The following PLEKHA1 variants were observed in gnomAD, a reference collection of about 807,000 sequenced individuals.
PLEKHA1 encodes the protein pleckstrin homology domain containing A1, also known as pleckstrin homology domain-containing family A member 1.
PLEKHA1 carries 34 observed loss-of-function variants against 52.0 expected under a neutral mutation model. That is an observed-to-expected ratio of 0.65 (90% confidence interval 0.50 to 0.87). The LOEUF is 0.87. Ranked by LOEUF, PLEKHA1 falls within the 40% of genes least tolerant of loss-of-function variation. The pLI is 0.00. For synonymous variants in PLEKHA1, 163 were observed against 170.7 expected, an observed-to-expected ratio of 0.95 and a Z score of 0.35; for missense variants, 497 against 504.2, an observed-to-expected ratio of 0.99 and a Z score of 0.14.
At chr10:122,419,517 C>G (rs11200622) in intron 8 of PLEKHA1, 1 of 152,006 alleles carries the variant, frequency 6.6e-6, no homozygotes, top group African/African-American at 2.4e-5. Flanking sequence ...GCCAATACTC[C>G]CGGGAAGAGT....
chr10:122,424,943 G>A lies in PLEKHA1; in HGVS notation c.794G>A (p.Arg265Gln), dbSNP rs373796370. 8 of 1,608,022 alleles carry A rather than the reference G, an allele frequency of 5.0e-6. No homozygotes were observed. The highest frequency in any genetic ancestry group is 4.4e-5 in the South Asian group (4 of 90,008). ...CTCTTTGAAATTGTAACAACGTCTC[G>A]AACTTTCTATGTGCAGGTAAGATGC... The part of the protein sequence containing the change: ...DNLFEIVTTS[R>Q]TFYVQADSPE... The change falls in exon 10 of 12, where the codon CGA (arginine) becomes CAA (glutamine). Residue 265 changes from arginine to glutamine, a missense_variant. Arg to Gln is a conservative substitution (Grantham distance 43, BLOSUM62 1). Transcript: ENST00000368990.
intron 9 of PLEKHA1, 119 bp downstream of exon 9, chr10:122,424,382 C>G (rs1203912365): frequency 1.3e-5 from 15 of 1,159,172 alleles, no homozygotes; most frequent in Non-Finnish European, 1.5e-5. Flanking sequence ...ATTTTTAACT[C>G]TTTATAGTTG....
At chr10:122,427,098 C>T in intron 11 of PLEKHA1, 67 bp downstream of exon 11, 1 of 1,383,516 alleles carries the variant, frequency 7.2e-7, no homozygotes, top group Non-Finnish European at 1.0e-6. Context: ...TTTCCTCTCT[C>T]CCAATCCATC....
At chr10:122,424,065 ATTTATT>A in intron 8 of PLEKHA1, 128 bp from the exon 9 acceptor site, 1 of 1,196,284 alleles carries the variant, frequency 8.4e-7, no homozygotes. Flanking sequence ...AAGAAGGTAG[ATTTATT>A]TCTGAGATGT....
Position 122,430,892 on chromosome 10 carries a change from G to T in PLEKHA1, c.*954G>T, listed in dbSNP as rs1455992926. On this transcript the variant is annotated 3_prime_UTR_variant, in exon 12 of 12. Transcript: ENST00000368990. Reference sequence around the variant, plus strand: ...ATTAATGTGCTTAAAAGTCCTACGTGACTGATTTTAAACATTGTGATAAAA... The same window carrying T: ...ATTAATGTGCTTAAAAGTCCTACGTTACTGATTTTAAACATTGTGATAAAA... 1 of 152,486 alleles carries T rather than the reference G, an allele frequency of 6.6e-6. No homozygotes were observed. The highest frequency in any genetic ancestry group is 1.5e-5 in the Non-Finnish European group (1 of 68,024). The allele number at this position is 152,486 out of a possible 1,614,324, so 9.4% of individuals were successfully genotyped here.
rs150636123 is a variant in PLEKHA1 at position 122,429,822 on chromosome 10, G to C, written c.1099G>C (p.Ala367Pro). The C allele has an allele frequency of 2.5e-6, 4 of 1,614,058 alleles. No individual in the cohort carries two copies. The African/African-American group carries it at 4.0e-5, about 16-fold the overall frequency. ...KVQTVSPREP[A>P]SKVTEQALLR... ...CCAGACTGTCTCTCCAAGAGAACCA[G>C]CTTCCAAAGTGACTGAACAAGCTCT... The change falls in exon 12 of 12, where the codon GCT becomes CCT. Residue 367 changes from alanine to proline, a missense_variant. By Grantham distance (27) the Ala-to-Pro change is conservative. Coordinates refer to ENST00000368990, the MANE Select transcript of PLEKHA1 (RefSeq NM_001001974.4).
At chr10:122,386,393 G>A (rs12263466) in intron 1 of PLEKHA1, among the ~76,000 whole-genome samples, 9,338 of 151,594 alleles carry the variant, frequency 0.062, 1,002 homozygotes, top group African/African-American at 0.22. Flanking sequence ...ATCATTTGCT[G>A]TCTGGATACA....
intron 1 of PLEKHA1, among the ~76,000 whole-genome samples, chr10:122,382,369 A>G (rs1265883506): frequency 2.0e-5 from 3 of 152,188 alleles, no homozygotes. Context: ...GTGGAATCAT[A>G]CTATACTTGG....
chr10:122,424,341 C>A, intron 9 of PLEKHA1, 78 bp downstream of exon 9: 1 of 1,424,020 alleles, frequency 7.0e-7, no homozygotes, highest in Non-Finnish European at 9.5e-7. Flanking sequence ...AATGTACTTA[C>A]AGATTACATT....
rs2097422172 is a variant in PLEKHA1 at position 122,432,331 on chromosome 10, AC to A, written c.*2394del. The A allele has an allele frequency of 6.6e-6, 1 of 152,182 alleles. No homozygotes were observed. 9.4% of individuals were successfully genotyped at this position (152,182 alleles called of 1,614,324 possible). On this transcript the variant is annotated 3_prime_UTR_variant, in exon 12 of 12. Transcript: ENST00000368990. ...TGGTTGAACACTGTAATGAGAATAA[AC>A]TGCACAGAGTTTATTCTGACTTATT...
chr10:122,377,670 G>C (rs1381136157), intron 1 of PLEKHA1, among the ~76,000 whole-genome samples: 1 of 152,176 alleles, frequency 6.6e-6, no homozygotes, highest in Non-Finnish European at 1.5e-5. Flanking sequence ...ATTTGTTATA[G>C]CACTAGAACT....
intron 1 of PLEKHA1, among the ~76,000 whole-genome samples, chr10:122,386,308 G>GT (rs67952302): frequency 0.062 from 9,140 of 148,338 alleles, 972 homozygotes; most frequent in African/African-American, 0.21. Flanking sequence ...TGTGTTCCAA[G>GT]TTTTTTTTTT....
chr10:122,397,980 C>T lies in PLEKHA1; in HGVS notation c.198+6C>T. The T allele has an allele frequency of 6.2e-7, 1 of 1,601,886 alleles. No individual in the cohort carries two copies. ...AGCTTACCTACATTTCAAAGGTAGT[C>T]TTTATACATTGTCTTATACTCGTGT... On this transcript the variant is annotated splice_donor_region_variant and intron_variant, in intron 3 of 11. Transcript: ENST00000368990.
intron 9 of PLEKHA1, 152 bp from the exon 10 acceptor site, chr10:122,424,744 C>T (rs1330478121): frequency 1.9e-6 from 1 of 517,164 alleles, no homozygotes; most frequent in Non-Finnish European, 3.2e-6. Context: ...TAAAATCTTA[C>T]ATTAAAATAA....
intron 10 of PLEKHA1, among the ~76,000 whole-genome samples, chr10:122,426,737 T>C (rs1367563585): frequency 2.0e-5 from 3 of 152,186 alleles, no homozygotes; most frequent in Non-Finnish European, 2.9e-5. Context: ...ATCTTGACAT[T>C]GAAGTGCTCA....
chr10:122,398,060 TG>T, intron 3 of PLEKHA1, 86 bp downstream of exon 3: 1 of 1,116,590 alleles, frequency 9.0e-7, no homozygotes, highest in Non-Finnish European at 1.3e-6. Context: ...TTCCTTTCCA[TG>T]TCCTTTAACA....
chr10:122,428,198 C>T, intron 11 of PLEKHA1: 1 of 1,327,624 alleles, frequency 7.5e-7, no homozygotes, highest in Non-Finnish European at 9.8e-7. Context: ...CTAGCTATGA[C>T]TGTCAGCACA....
rs1263244985 is a variant in PLEKHA1 at position 122,429,733 on chromosome 10, T to C, written c.1010T>C (p.Phe337Ser). The stretch of plus-strand genomic sequence containing the variant: ...CGCAGCAACTCTTTGGTCTCAACCT[T>C]TACCATGGAGAAGCGAGGATTTTAC... Reference protein sequence around the residue: ...ASRSNSLVSTFTMEKRGFYES... With the variant: ...ASRSNSLVSTSTMEKRGFYES... Residue 337 changes from phenylalanine (F) to serine (S), a missense_variant, in exon 12 of 12, where the codon TTT becomes TCT. Physicochemically the swap from Phe to Ser is radical, Grantham distance 155 (BLOSUM62 -2). Transcript: ENST00000368990. 1 of 1,614,008 alleles carries C rather than the reference T, an allele frequency of 6.2e-7. No individual in the cohort carries two copies. Among genetic ancestry groups the C allele is most frequent in the African/African-American group, 1.3e-5 (1 of 74,922 alleles).
chr10:122,417,752 T>G lies in PLEKHA1; in HGVS notation c.613-148T>G, dbSNP rs2097200009. The G allele has an allele frequency of 5.4e-6, 3 of 552,224 alleles. No individual in the cohort carries two copies. In the African/African-American group the frequency reaches 5.7e-5, roughly 11 times the overall value. 34.2% of individuals were successfully genotyped at this position (552,224 alleles called of 1,614,324 possible). Reference sequence around the variant, plus strand: ...CCTGGGTAGCTAGAGAGGGATGAGGTTTAATTTATCGCATCTCTAAGGGAA... The same window carrying G: ...CCTGGGTAGCTAGAGAGGGATGAGGGTTAATTTATCGCATCTCTAAGGGAA... On this transcript the variant is annotated intron_variant, in intron 7 of 11. Coordinates refer to ENST00000368990, the MANE Select transcript of PLEKHA1 (RefSeq NM_001001974.4).
Sources: gnomAD v4.1 joint callset for allele counts (sites outside exome capture counted in the v4.1 genomes callset) on GRCh38, gnomAD v4.1.1 for gene constraint, MANE v1.5 for transcripts, NCBI Gene and HGNC (gene_info 2026-07-23, HGNC 2026-07-21) for gene names.